Variants in RTN4RL1 observed in about 807,000 individuals in gnomAD.
RTN4RL1 encodes the protein reticulon 4 receptor like 1.
RTN4RL1 carries 7 observed loss-of-function variants against 25.6 expected under a neutral mutation model. The ratio of observed to expected loss-of-function variants is 0.27; its 90% confidence interval spans 0.16 to 0.51. The LOEUF is 0.51. Ranked by LOEUF, RTN4RL1 falls within the 20% of genes least tolerant of loss-of-function variation. The probability of loss-of-function intolerance (pLI) is 0.97; values close to 1 mark genes in which losing one functional copy is unlikely to be tolerated. For missense variants in RTN4RL1, 500 were observed against 615.6 expected, an observed-to-expected ratio of 0.81 and a Z score of 1.99; for synonymous variants, 297 against 288.2, an observed-to-expected ratio of 1.03 and a Z score of -0.31.
intron 1 of RTN4RL1, among the ~76,000 whole-genome samples, chr17:2,006,091 C>CT (rs59924004): frequency 0.35 from 52,832 of 151,158 alleles, 9,573 homozygotes; most frequent in East Asian, 0.55. Flanking sequence ...GCCACCACCC[C>CT]GGCCTCTTTT....
At chr17:2,008,177 G>A (rs1188577423) in intron 1 of RTN4RL1, among the ~76,000 whole-genome samples, 1 of 151,400 alleles carries the variant, frequency 6.6e-6, no homozygotes, top group African/African-American at 2.4e-5. Flanking sequence ...GCTGAGGCAG[G>A]AGAATCACTT....
At chr17:1,957,736 C>T (rs1383398941) in intron 1 of RTN4RL1, among the ~76,000 whole-genome samples, 5 of 151,962 alleles carry the variant, frequency 3.3e-5, no homozygotes, top group African/African-American at 9.7e-5. Flanking sequence ...CCCAGCTACT[C>T]GGGAGGCTGA....
intron 1 of RTN4RL1, among the ~76,000 whole-genome samples, chr17:1,967,888 GC>G (rs2066799335): frequency 6.6e-6 from 1 of 152,072 alleles, no homozygotes; most frequent in Admixed American, 6.5e-5. Flanking sequence ...TGATCCACTC[GC>G]CTCAGCCTCC....
At chr17:1,950,926 C>G (rs144682236) in intron 1 of RTN4RL1, among the ~76,000 whole-genome samples, 155 of 143,294 alleles carry the variant, frequency 1.1e-3, no homozygotes, top group African/African-American at 3.7e-3. Context: ...CTCTCTTTCT[C>G]TGTGTGTGAA....
intron 1 of RTN4RL1, among the ~76,000 whole-genome samples, chr17:2,024,082 G>T (rs2067244538): frequency 6.6e-6 from 1 of 152,138 alleles, no homozygotes; most frequent in African/African-American, 2.4e-5. Context: ...TGGCAACCAC[G>T]TGGGGGCGCG....
rs775791709 is a variant in RTN4RL1 at position 1,936,610 on chromosome 17, A to C, written c.1212T>G (p.Cys404Trp). ...PTARPKRKGK[C>W]ARRTPIRAPS... ...GGGCACGGATGGGGGTCCTGCGGGC[A>C]CACTTGCCCTTCCTCTTGGGCCGGG... is the stretch of plus-strand genomic sequence containing the variant. Residue 404 changes from cysteine to tryptophan, a missense_variant, in exon 2 of 2, where the codon TGT (cysteine) becomes TGG (tryptophan). Physicochemically the swap from Cys to Trp is radical, Grantham distance 215 (BLOSUM62 -2). Transcript: ENST00000331238. 6.3e-7 allele frequency: 1 copy of C among 1,590,026 alleles called. No individual in the cohort carries two copies. The highest frequency in any genetic ancestry group is 8.6e-7 in the Non-Finnish European group (1 of 1,169,404).
chr17:2,014,789 G>A (rs182990177), intron 1 of RTN4RL1, among the ~76,000 whole-genome samples: 5 of 151,528 alleles, frequency 3.3e-5, no homozygotes, highest in South Asian at 2.1e-4. Flanking sequence ...CTGAGATTGC[G>A]CCACTGCACT....
At chr17:1,946,709 CTG>C (rs1197411008) in intron 1 of RTN4RL1, among the ~76,000 whole-genome samples, 5 of 134,242 alleles carry the variant, frequency 3.7e-5, no homozygotes, top group South Asian at 4.6e-4. Context: ...TGCACGGGGT[CTG>C]TGTGTGTCTC....
In RTN4RL1 at chr17:2,016,699, C is replaced by A. The variant is rs117762285; in HGVS notation, c.13+8154G>T. Among the ~76,000 whole-genome samples, 114 of 152,358 alleles carry A rather than the reference C, an allele frequency of 7.5e-4. No homozygotes were observed. The East Asian group carries it at 0.014, about 18-fold the overall frequency. On this transcript the variant is annotated intron_variant, in intron 1 of 1. Coordinates refer to ENST00000331238, the MANE Select transcript of RTN4RL1 (RefSeq NM_178568.4). ...GCATGCGGCACATGCCAGCGACAGG[C>A]GGCAGCAGGCGGGCAGGCGGGAGGC...
At chr17:1,939,050 A>T (rs1025063100) in intron 1 of RTN4RL1, among the ~76,000 whole-genome samples, 2 of 149,174 alleles carry the variant, frequency 1.3e-5, no homozygotes, top group African/African-American at 2.5e-5. Context: ...TGTCTCAAAA[A>T]AAATAAATAA....
At chr17:1,987,718 GACACACACACACACACACAC>G (rs59658751) in intron 1 of RTN4RL1, among the ~76,000 whole-genome samples, 35 of 145,204 alleles carry the variant, frequency 2.4e-4, no homozygotes, top group African/African-American at 7.6e-4. Flanking sequence ...TGAGTTCAGG[GACACACACACACACACACAC>G]ACACACACAC....
chr17:1,971,554 G>C (rs1002451816), intron 1 of RTN4RL1, among the ~76,000 whole-genome samples: 11 of 152,174 alleles, frequency 7.2e-5, no homozygotes, highest in African/African-American at 2.7e-4. Context: ...ACTTGGCTGG[G>C]CATGGTGGCT....
intron 1 of RTN4RL1, among the ~76,000 whole-genome samples, chr17:2,015,588 C>T (rs562784253): frequency 9.8e-5 from 15 of 152,304 alleles, no homozygotes; most frequent in East Asian, 7.7e-4. Flanking sequence ...GGAAGCAGGA[C>T]GGCCAACAGG....
At chr17:1,977,242 G>C (rs1263393675) in intron 1 of RTN4RL1, among the ~76,000 whole-genome samples, 7 of 152,176 alleles carry the variant, frequency 4.6e-5, no homozygotes, top group Non-Finnish European at 1.0e-4. Context: ...GGGAAGGTGC[G>C]AGGCAGAGAC....
chr17:1,956,836 G>A (rs559627799), intron 1 of RTN4RL1, among the ~76,000 whole-genome samples: 16 of 150,764 alleles, frequency 1.1e-4, no homozygotes, highest in East Asian at 2.0e-4. Context: ...TCTGCCTCCC[G>A]GTTCAAGTGA....
intron 1 of RTN4RL1, among the ~76,000 whole-genome samples, chr17:2,007,640 T>C (rs1348340088): frequency 6.6e-6 from 1 of 152,078 alleles, no homozygotes; most frequent in Non-Finnish European, 1.5e-5. Flanking sequence ...ATGGAACATT[T>C]TGCAGCCGTT....
Position 1,976,848 on chromosome 17 carries a change from T to G in RTN4RL1, c.14-39040A>C, listed in dbSNP as rs533050051. ...CTCAACTTGTCATTTAGTGGCTATTTGCTCTTGGCCAAAGCCCTTAGCTTC... is the reference window on the plus strand; with the variant it reads ...CTCAACTTGTCATTTAGTGGCTATTGGCTCTTGGCCAAAGCCCTTAGCTTC... On this transcript the variant is annotated intron_variant, in intron 1 of 1. Coordinates refer to ENST00000331238, the MANE Select transcript of RTN4RL1 (RefSeq NM_178568.4). Among the ~76,000 whole-genome samples the G allele has an allele frequency of 3.3e-4, 50 of 152,326 alleles. 1 individual carries two copies. The South Asian group carries it at 9.9e-3, about 30-fold the overall frequency.
At chr17:1,942,177 G>C (rs1915450698) in intron 1 of RTN4RL1, among the ~76,000 whole-genome samples, 1 of 152,160 alleles carries the variant, frequency 6.6e-6, no homozygotes, top group Admixed American at 6.5e-5. Flanking sequence ...GAGTCCCCCT[G>C]CTCCTCCTCT....
rs77797317 is a variant in RTN4RL1, at chr17:1,989,701, G to A, written c.13+35152C>T. On this transcript the variant is annotated intron_variant, in intron 1 of 1. Coordinates refer to ENST00000331238, the MANE Select transcript of RTN4RL1 (RefSeq NM_178568.4). ...CAATTCTTCTGCCTCAGCCTCCCGA[G>A]TAGCCAGGATTACAGGTGCATGCCA... Among the ~76,000 whole-genome samples, 467 of 152,192 alleles carry A rather than the reference G, an allele frequency of 3.1e-3. 3 individuals carry two copies. The highest frequency in any genetic ancestry group is 8.0e-3 in the Admixed American group (122 of 15,286).
Sources: gnomAD v4.1 joint callset for allele counts (sites outside exome capture counted in the v4.1 genomes callset) on GRCh38, gnomAD v4.1.1 for gene constraint, MANE v1.5 for transcripts, NCBI Gene and HGNC (gene_info 2026-07-23, HGNC 2026-07-21) for gene names.